The following IQGAP2 variants were observed in gnomAD, a reference collection of about 807,000 sequenced individuals.
IQGAP2 encodes the protein ras GTPase-activating-like protein IQGAP2.
IQGAP2 carries 173 observed loss-of-function variants against 201.3 expected under a neutral mutation model. The ratio of observed to expected loss-of-function variants is 0.86; its 90% CI spans 0.76 to 0.98. IQGAP2 has a LOEUF of 0.98. Among genes scored for constraint, IQGAP2 ranks in the 50% least tolerant of loss-of-function variants. IQGAP2 has a pLI of 0.00. For synonymous variants in IQGAP2, 675 were observed against 673.9 expected (o/e 1.00, Z -0.03); for missense variants, 1,687 against 1,864.8 (o/e 0.90, Z 1.76).
intron 1 of IQGAP2, among the ~76,000 whole-genome samples, chr5:76,427,449 C>G (rs1189357873): frequency 6.6e-6 from 1 of 152,134 alleles, no homozygotes; most frequent in Non-Finnish European, 1.5e-5. Context: ...CTCCCCCCTC[C>G]CCTTTCAAGA....
chr5:76,416,761 C>T (rs1040744329), intron 1 of IQGAP2, among the ~76,000 whole-genome samples: 1 of 151,948 alleles, frequency 6.6e-6, no homozygotes, highest in Admixed American at 6.5e-5. Flanking sequence ...CTCCTGACCT[C>T]GTGATCCGCC....
intron 1 of IQGAP2, among the ~76,000 whole-genome samples, chr5:76,452,429 G>C (rs939950416): frequency 6.6e-6 from 1 of 151,618 alleles, no homozygotes; most frequent in Admixed American, 6.6e-5. Context: ...TTTTTCTTTT[G>C]ATCTTATTAC....
intron 12 of IQGAP2, chr5:76,607,983 A>G (rs1328125898): frequency 1.3e-5 from 2 of 152,228 alleles, no homozygotes; most frequent in Admixed American, 1.3e-4. Context: ...AAGGTATGTT[A>G]GTTCTCAGTG....
intron 2 of IQGAP2, among the ~76,000 whole-genome samples, chr5:76,537,711 T>A (rs1652785867): frequency 6.6e-6 from 1 of 152,214 alleles, no homozygotes; most frequent in African/African-American, 2.4e-5. Flanking sequence ...AATTCTAAAA[T>A]CACTATGGGT....
At chr5:76,508,038 A>G (rs184128442) in intron 2 of IQGAP2, among the ~76,000 whole-genome samples, 2 of 143,340 alleles carry the variant, frequency 1.4e-5, no homozygotes, top group African/African-American at 5.2e-5. Context: ...TGGGCCAAAG[A>G]TATGAACAGG....
intron 5 of IQGAP2, among the ~76,000 whole-genome samples, chr5:76,580,484 A>C (rs1188840462): frequency 6.6e-6 from 1 of 152,234 alleles, no homozygotes; most frequent in East Asian, 1.9e-4. Context: ...CAGATATAGA[A>C]GAAACAAAGT....
At chr5:76,587,594 A>C (rs1028342924) in intron 5 of IQGAP2, among the ~76,000 whole-genome samples, 32 of 152,354 alleles carry the variant, frequency 2.1e-4, no homozygotes, top group Admixed American at 1.8e-3. Flanking sequence ...TTTTTAAACC[A>C]TAAGCCACTA....
rs371624116 is a variant in IQGAP2 at position 76,510,160 on chromosome 5, C to T, written c.146+48491C>T. Reference sequence around the variant, plus strand: ...GATTACAGGCACCCGCCACCATGCCCGGCTAATTTTTGTATTTTTGGTAGA... The same window carrying T: ...GATTACAGGCACCCGCCACCATGCCTGGCTAATTTTTGTATTTTTGGTAGA... On this transcript the variant is annotated intron_variant, in intron 2 of 35. Coordinates refer to ENST00000274364, the MANE Select transcript of IQGAP2 (RefSeq NM_006633.5). 3.7e-4 allele frequency among the ~76,000 whole-genome samples: 57 copies of T among 152,032 alleles called. No homozygotes were observed. In the East Asian group the frequency reaches 8.9e-3, roughly 24 times the overall value.
intron 2 of IQGAP2, among the ~76,000 whole-genome samples, chr5:76,484,234 A>C (rs1755974690): frequency 1.3e-5 from 2 of 152,198 alleles, no homozygotes; most frequent in South Asian, 4.1e-4. Flanking sequence ...ATGTAATTTC[A>C]TGTGTTGTGA....
intron 19 of IQGAP2, 80 bp downstream of exon 19, chr5:76,654,351 A>AT (rs1290147463): frequency 7.1e-5 from 64 of 903,380 alleles, no homozygotes; most frequent in Admixed American, 1.1e-4. Context: ...GCATTGAATG[A>AT]TTTTTATTGA....
chr5:76,498,650 C>T (rs78004378), intron 2 of IQGAP2, among the ~76,000 whole-genome samples: 1,831 of 152,292 alleles, frequency 0.012, 20 homozygotes, highest in African/African-American at 0.033. Context: ...AATTTACAAC[C>T]GTCCCTAAAC....
At chr5:76,570,280 T>C (rs1005380303) in intron 3 of IQGAP2, among the ~76,000 whole-genome samples, 4 of 152,210 alleles carry the variant, frequency 2.6e-5, no homozygotes, top group African/African-American at 9.6e-5. Context: ...CACGCCTGTG[T>C]ACATGTGTCT....
chr5:76,652,803 G>T lies in IQGAP2; in HGVS notation c.2148G>T (p.Thr716=), dbSNP rs770221054. The T allele has an allele frequency of 6.2e-7, 1 of 1,609,428 alleles. No homozygotes were observed. The highest frequency in any genetic ancestry group is 8.5e-7 in the Non-Finnish European group (1 of 1,175,772). Residue 716 remains threonine, a synonymous_variant, in exon 18 of 36, where the codon ACG becomes ACT. Transcript: ENST00000274364. ...AGGAGTATATGCACAGGCGGCAAAC[G>T]TTCATTGATAATACTGATTCTATTG... is the stretch of plus-strand genomic sequence containing the variant. ...QRKEYMHRRQ[T]FIDNTDSIVK...
At chr5:76,514,588 C>T (rs186379942) in intron 2 of IQGAP2, among the ~76,000 whole-genome samples, 1 of 152,332 alleles carries the variant, frequency 6.6e-6, no homozygotes, top group Admixed American at 6.5e-5. Context: ...ATGCTACTCT[C>T]CCTCCTCGGT....
intron 6 of IQGAP2, 73 bp downstream of exon 6, chr5:76,589,046 G>A (rs1746442908): frequency 2.0e-6 from 2 of 999,648 alleles, no homozygotes; most frequent in Non-Finnish European, 3.1e-6. Flanking sequence ...GGGCGTGGTG[G>A]CTCATGCCTG....
intron 17 of IQGAP2, among the ~76,000 whole-genome samples, chr5:76,642,390 T>C (rs1328944831): frequency 1.3e-5 from 2 of 152,074 alleles, no homozygotes; most frequent in East Asian, 3.9e-4. Context: ...GGAGCCTTTT[T>C]CCTCCACCTC....
At chr5:76,503,158 CT>C (rs1325341373) in intron 2 of IQGAP2, among the ~76,000 whole-genome samples, 8 of 140,264 alleles carry the variant, frequency 5.7e-5, no homozygotes, top group Admixed American at 1.5e-4. Flanking sequence ...ATTTCCTTTT[CT>C]TTTTCTTTTC....
At position 76,671,883 on chromosome 5, in the gene IQGAP2, A is replaced by G. The variant is rs762713388; in HGVS notation, c.2968A>G (p.Lys990Glu). 6.2e-7 allele frequency: 1 copy of G among 1,614,098 alleles called. No homozygotes were observed. Among genetic ancestry groups the G allele is most frequent in the South Asian group, 1.1e-5 (1 of 91,074 alleles). ...GCGCCAACTCCTGGCTCCAGTGGTA[A>G]AAGAGATCATCGACGACAAGTCGCT... ...TLRQLLAPVVKEIIDDKSLII... is the reference protein window; with the variant it reads ...TLRQLLAPVVEEIIDDKSLII... Residue 990 changes from lysine (K) to glutamate (E), a missense_variant, in exon 24 of 36, where the codon AAA becomes GAA. Lys to Glu is a moderately conservative substitution (Grantham distance 56). Coordinates refer to ENST00000274364, the MANE Select transcript of IQGAP2 (RefSeq NM_006633.5).
intron 1 of IQGAP2, among the ~76,000 whole-genome samples, chr5:76,448,557 A>G (rs1034906579): frequency 6.6e-6 from 1 of 152,142 alleles, no homozygotes; most frequent in Non-Finnish European, 1.5e-5. Context: ...CTTTACCTCC[A>G]AGGGCAAGAA....
Sources: allele counts gnomAD v4.1 joint callset (sites outside exome capture counted in the v4.1 genomes callset), GRCh38; gene constraint gnomAD v4.1.1; transcripts MANE v1.5; gene names NCBI Gene and HGNC (gene_info 2026-07-23, HGNC 2026-07-21).